PPP1R12A: variants seen among roughly 807,000 people sequenced by gnomAD.
The protein encoded by PPP1R12A is protein phosphatase 1 regulatory subunit 12A.
In PPP1R12A, 19 loss-of-function variants were observed where a neutral mutation model predicts 139.6. The observed-to-expected ratio is 0.14, with a 90% CI of 0.09 to 0.20. PPP1R12A has a LOEUF of 0.20. Ranked by LOEUF, PPP1R12A falls within the 10% of genes least tolerant of loss-of-function variation. The pLI, the probability that PPP1R12A is intolerant of heterozygous loss-of-function variation, is 1.00. For missense variants in PPP1R12A, 925 were observed against 1,211.5 expected, an observed-to-expected ratio of 0.76 and a Z score of 3.51; for synonymous variants, 427 against 420.6, an observed-to-expected ratio of 1.02 and a Z score of -0.19.
chr12:79,812,449 T>TG (rs1874722602), intron 9 of PPP1R12A, among the ~76,000 whole-genome samples: 4 of 133,908 alleles, frequency 3.0e-5, no homozygotes, highest in South Asian at 2.4e-4. Context: ...CTGTGTGTGT[T>TG]TGTGTGTGTG....
intron 2 of PPP1R12A, among the ~76,000 whole-genome samples, chr12:79,865,149 C>G (rs1022177835): frequency 1.3e-5 from 2 of 152,272 alleles, no homozygotes; most frequent in South Asian, 2.1e-4. Flanking sequence ...CCCTGGGATG[C>G]AAGGCTGGTT....
At chr12:79,856,860 G>C (rs961412098) in intron 2 of PPP1R12A, among the ~76,000 whole-genome samples, 1 of 152,236 alleles carries the variant, frequency 6.6e-6, no homozygotes, top group African/African-American at 2.4e-5. Flanking sequence ...ACAGAACCGT[G>C]AGCTTAGCAG....
At chr12:79,822,033 A>T in intron 6 of PPP1R12A, 83 bp downstream of exon 6, 1 of 1,008,656 alleles carries the variant, frequency 9.9e-7, no homozygotes, top group East Asian at 2.8e-5. Flanking sequence ...AGTACAAAAC[A>T]TCACAAGAAT....
intron 2 of PPP1R12A, among the ~76,000 whole-genome samples, chr12:79,868,917 G>A (rs767241854): frequency 1.3e-5 from 2 of 152,128 alleles, no homozygotes; most frequent in Non-Finnish European, 2.9e-5. Flanking sequence ...TTTATTGACT[G>A]CATAATTTTT....
chr12:79,829,291 C>G (rs1170693868), intron 4 of PPP1R12A, among the ~76,000 whole-genome samples: 2 of 152,094 alleles, frequency 1.3e-5, no homozygotes, highest in Non-Finnish European at 2.9e-5. Context: ...ATCTAGTTAA[C>G]CTTTACCTCA....
chr12:79,842,741 T>C, intron 3 of PPP1R12A, among the ~76,000 whole-genome samples: 1 of 152,144 alleles, frequency 6.6e-6, no homozygotes, highest in East Asian at 1.9e-4. Flanking sequence ...GGTCTCACTC[T>C]GTCACCCAGG....
rs1871678653 is a variant in PPP1R12A at position 79,790,319 on chromosome 12, G to A, written c.2666+148C>T. 8.0e-6 allele frequency: 4 copies of A among 499,786 alleles called. No individual in the cohort carries two copies. The South Asian group carries it at 1.5e-4, about 19-fold the overall frequency. The allele number at this position is 499,786 out of a possible 1,614,324, so 31.0% of individuals were successfully genotyped here. ...TGAAGTAAAGCCTTTAACAAAGAAA[G>A]CTAGTAACAATGATAAGGCCATCAA... is the stretch of plus-strand genomic sequence containing the variant. On this transcript the variant is annotated intron_variant, in intron 20 of 24. Coordinates refer to ENST00000450142, the MANE Select transcript of PPP1R12A (RefSeq NM_002480.3).
At chr12:79,918,158 TAA>T (rs545459727) in intron 1 of PPP1R12A, among the ~76,000 whole-genome samples, 17 of 144,060 alleles carry the variant, frequency 1.2e-4, no homozygotes, top group African/African-American at 3.5e-4. Flanking sequence ...ACTGAAACCT[TAA>T]AAAAAAAAAA....
intron 1 of PPP1R12A, among the ~76,000 whole-genome samples, chr12:79,929,084 G>A (rs951953987): frequency 7.2e-5 from 11 of 152,114 alleles, no homozygotes; most frequent in Admixed American, 2.6e-4. Context: ...GAGTGGGGCC[G>A]GATGAAACTG....
intron 1 of PPP1R12A, among the ~76,000 whole-genome samples, chr12:79,889,300 G>A (rs1040677502): frequency 1.9e-4 from 29 of 152,142 alleles, no homozygotes; most frequent in African/African-American, 7.0e-4. Context: ...CCTAGTAAAT[G>A]AATGTCACAG....
chr12:79,785,338 C>T (rs1029752369), intron 22 of PPP1R12A, among the ~76,000 whole-genome samples: 1 of 152,118 alleles, frequency 6.6e-6, no homozygotes, highest in Non-Finnish European at 1.5e-5. Context: ...AGCTACCGTG[C>T]ACAGACAATC....
chr12:79,864,544 G>A (rs117954250), intron 2 of PPP1R12A, among the ~76,000 whole-genome samples: 4,367 of 151,920 alleles, frequency 0.029, 91 homozygotes, highest in Non-Finnish European at 0.044. Context: ...AAAAATCAAT[G>A]GCTTTTTGAA....
At chr12:79,833,742 CAGG>C (rs1243590479) in intron 3 of PPP1R12A, among the ~76,000 whole-genome samples, 4 of 149,020 alleles carry the variant, frequency 2.7e-5, no homozygotes, top group Non-Finnish European at 5.9e-5. Flanking sequence ...GAGGCTGAGT[CAGG>C]AGAACTACTT....
intron 19 of PPP1R12A, among the ~76,000 whole-genome samples, chr12:79,790,820 A>G (rs112109479): frequency 1.0e-3 from 159 of 152,302 alleles, no homozygotes; most frequent in African/African-American, 3.7e-3. Flanking sequence ...CTTTTTCAGT[A>G]GTCAAATTTA....
chr12:79,912,028 T>C (rs1025205873), intron 1 of PPP1R12A, among the ~76,000 whole-genome samples: 2 of 152,152 alleles, frequency 1.3e-5, no homozygotes, highest in Non-Finnish European at 2.9e-5. Flanking sequence ...TCTCACCCCC[T>C]GTGCTCCAGT....
chr12:79,863,690 T>G (rs1379538833), intron 2 of PPP1R12A, among the ~76,000 whole-genome samples: 1 of 146,704 alleles, frequency 6.8e-6, no homozygotes, highest in African/African-American at 2.5e-5. Context: ...GTTGCAATCC[T>G]GGTCTCTGAT....
At chr12:79,779,869 T>C (rs1870208800) in intron 23 of PPP1R12A, 1 of 156,208 alleles carries the variant, frequency 6.4e-6, no homozygotes, top group East Asian at 1.8e-4. Flanking sequence ...ATCTGTAAAA[T>C]GATATGAAAT....
At chr12:79,871,425 C>T (rs1882554838) in intron 2 of PPP1R12A, among the ~76,000 whole-genome samples, 1 of 151,986 alleles carries the variant, frequency 6.6e-6, no homozygotes, top group Non-Finnish European at 1.5e-5. Flanking sequence ...TTTAATTTTC[C>T]CAGTGTAGAT....
chr12:79,842,011 G>GTT (rs35117494), intron 3 of PPP1R12A, among the ~76,000 whole-genome samples: 15,390 of 149,718 alleles, frequency 0.1, 2,098 homozygotes, highest in African/African-American at 0.32. Context: ...GCTTAAGATA[G>GTT]TTTTTTTTTT....
Sources: allele counts gnomAD v4.1 joint callset (sites outside exome capture counted in the v4.1 genomes callset), GRCh38; gene constraint gnomAD v4.1.1; transcripts MANE v1.5; gene names NCBI Gene and HGNC (gene_info 2026-07-23, HGNC 2026-07-21).